Variants in PLEKHG6 observed in about 807,000 individuals in gnomAD.
PLEKHG6 encodes the protein pleckstrin homology and RhoGEF domain containing G6.
PLEKHG6 carries 91 observed loss-of-function variants against 97.5 expected under a neutral mutation model. That is an observed-to-expected ratio of 0.93 (90% CI 0.79 to 1.11). The LOEUF (loss-of-function observed/expected upper bound fraction) is 1.11. Ranked by LOEUF, PLEKHG6 falls within the 50% of genes most tolerant of loss-of-function variation. PLEKHG6 has a pLI of 0.00. For synonymous variants in PLEKHG6, 466 were observed against 425.5 expected, an observed-to-expected ratio of 1.10 and a Z score of -1.17; for missense variants, 1,044 against 1,031.0, an observed-to-expected ratio of 1.01 and a Z score of -0.17.
chr12:6,323,493 A>G (rs1947766141), intron 13 of PLEKHG6, among the ~76,000 whole-genome samples: 1 of 152,238 alleles, frequency 6.6e-6, no homozygotes, highest in South Asian at 2.1e-4. Flanking sequence ...TAGCGGGTCT[A>G]GCTGTGATGA....
intron 2 of PLEKHG6, 167 bp downstream of exon 2, chr12:6,312,531 G>A: frequency 9.0e-7 from 1 of 1,112,308 alleles, no homozygotes; most frequent in African/African-American, 1.7e-5. Context: ...ACAGGGCCAG[G>A]CTCCAGGGAT....
At chr12:6,321,407 T>C (rs1250971163) in intron 13 of PLEKHG6, among the ~76,000 whole-genome samples, 3 of 151,920 alleles carry the variant, frequency 2.0e-5, no homozygotes, top group Non-Finnish European at 4.4e-5. Context: ...GTGTGCTGGG[T>C]GGGCTGGAGG....
chr12:6,326,454 G>A lies in PLEKHG6; in HGVS notation c.1551G>A (p.Glu517=). ...AQAALQKLKA[E]EYVQQKRELL... is the part of the protein sequence containing the mutation. The stretch of plus-strand genomic sequence containing the variant: ...CCGCCCTACAGAAGCTGAAGGCAGA[G>A]GAGTATGTTCAACAGAAGAGGGAGC... The change falls in exon 14 of 16, where the codon GAG becomes GAA. Residue 517 remains glutamate, a synonymous_variant. Transcript: ENST00000684764. 6.2e-7 allele frequency: 1 copy of A among 1,613,848 alleles called. No individual in the cohort carries two copies. The highest frequency in any genetic ancestry group is 1.1e-5 in the South Asian group (1 of 91,060).
chr12:6,312,440 C>T, intron 2 of PLEKHG6, 76 bp downstream of exon 2: 1 of 1,445,070 alleles, frequency 6.9e-7, no homozygotes, highest in Non-Finnish European at 9.3e-7. Context: ...GTCTCTGTCC[C>T]CTTACAGGTT....
At chr12:6,312,762 A>G in intron 2 of PLEKHG6, 1 of 1,172,074 alleles carries the variant, frequency 8.5e-7, no homozygotes, top group Non-Finnish European at 1.1e-6. Flanking sequence ...GCAAAGGTTC[A>G]GGGTGTCCCT....
chr12:6,327,479 T>TGCCCCCC lies in PLEKHG6; in HGVS notation c.1896_1897insGCCCCCC (p.Pro633AlafsTer39). On this transcript the variant is annotated frameshift_variant, in exon 15 of 16. Transcript: ENST00000684764. LOFTEE classifies it high-confidence loss of function. ...TGGAACTCCGGGACATCCCTCTGCG[T>TGCCCCCC]CCCCACCCTCCCGACCCCCAAGCTC... The TGCCCCCC allele has an allele frequency of 6.2e-7, 1 of 1,603,264 alleles. No individual in the cohort carries two copies. The highest frequency in any genetic ancestry group is 8.5e-7 in the Non-Finnish European group (1 of 1,171,710).
chr12:6,318,276 G>C, intron 10 of PLEKHG6, 25 bp from the exon 11 acceptor site: 1 of 1,613,476 alleles, frequency 6.2e-7, no homozygotes, highest in Non-Finnish European at 8.5e-7. Context: ...CGAGCGCCCT[G>C]ACCCCTCCCC....
chr12:6,312,810 C>T (rs1947320963), intron 2 of PLEKHG6: 5 of 1,233,588 alleles, frequency 4.1e-6, no homozygotes, highest in African/African-American at 1.5e-5. Flanking sequence ...AGGGTGCCTG[C>T]CTTGGCTCCA....
chr12:6,318,923 G>T (rs182749967), intron 12 of PLEKHG6, 46 bp downstream of exon 12: 1 of 1,613,436 alleles, frequency 6.2e-7, no homozygotes, highest in Non-Finnish European at 8.5e-7. Flanking sequence ...TCTTCTCAGC[G>T]AGGGGAAGGA....
At chr12:6,313,814 C>G in intron 3 of PLEKHG6, 30 bp downstream of exon 3, 1 of 1,529,058 alleles carries the variant, frequency 6.5e-7, no homozygotes, top group Non-Finnish European at 8.8e-7. Context: ...CCCATCCCCA[C>G]ACATACGGCC....
At chr12:6,319,732 C>T in intron 13 of PLEKHG6, 1 of 1,489,366 alleles carries the variant, frequency 6.7e-7, no homozygotes, top group South Asian at 1.2e-5. Flanking sequence ...CAGACATTTA[C>T]AGGGCACTTG....
intron 10 of PLEKHG6, 141 bp downstream of exon 10, chr12:6,318,135 G>T: frequency 7.3e-7 from 1 of 1,367,534 alleles, no homozygotes; most frequent in Non-Finnish European, 1.0e-6. Flanking sequence ...ACAGTCCAAG[G>T]GGTACAGGTC....
chr12:6,326,516 C>T lies in PLEKHG6; in HGVS notation c.1613C>T (p.Pro538Leu). 1 of 1,597,394 alleles carries T rather than the reference C, an allele frequency of 6.3e-7. No individual in the cohort carries two copies. Among genetic ancestry groups the T allele is most frequent in the Admixed American group, 1.8e-5 (1 of 56,396 alleles). ...TLYRDQDRES[P>L]STRPSTPSLE... is the part of the protein sequence containing the mutation. ...TATCGGGACCAGGACAGGGAGTCCCCCAGCACCAGGCCCTCCACGCCTTCC... is the reference window on the plus strand; with the variant it reads ...TATCGGGACCAGGACAGGGAGTCCCTCAGCACCAGGCCCTCCACGCCTTCC... Residue 538 changes from proline to leucine, a missense_variant, in exon 14 of 16, where the codon CCC becomes CTC. Coordinates refer to ENST00000684764, the MANE Select transcript of PLEKHG6 (RefSeq NM_001384598.1).
intron 10 of PLEKHG6, 112 bp from the exon 11 acceptor site, chr12:6,318,188 TG>T: frequency 6.5e-7 from 1 of 1,528,138 alleles, no homozygotes; most frequent in Non-Finnish European, 9.0e-7. Flanking sequence ...CTCTAGCCCA[TG>T]GGGGAAGGAT....
Position 6,312,167 on chromosome 12 carries a change from G to C in PLEKHG6, c.-60G>C. On this transcript the variant is annotated 5_prime_UTR_variant, in exon 2 of 16. Transcript: ENST00000684764. The stretch of plus-strand genomic sequence containing the variant: ...TCTTTTCTCTCTTGCAGCCCTAGGG[G>C]ACCTCTTTCTCCTGGACATTGAAGA... 7.2e-7 allele frequency: 1 copy of C among 1,382,884 alleles called. No individual in the cohort carries two copies. The highest frequency in any genetic ancestry group is 1.9e-4 in the Middle Eastern group (1 of 5,144). The allele number at this position is 1,382,884 out of a possible 1,614,324, so 85.7% of individuals were successfully genotyped here. A position where few individuals can be genotyped will look rare whatever the true frequency, so the allele number is the denominator to read the frequency against.
chr12:6,317,581 T>C lies in PLEKHG6; in HGVS notation c.902T>C (p.Met301Thr), dbSNP rs141245660. 7 of 1,613,620 alleles carry C rather than the reference T, an allele frequency of 4.3e-6. No homozygotes were observed. Among genetic ancestry groups the C allele is most frequent in the South Asian group, 3.3e-5 (3 of 91,090 alleles). The change falls in exon 9 of 16, where the codon ATG becomes ACG. Residue 301 changes from methionine to threonine, a missense_variant. Coordinates refer to ENST00000684764, the MANE Select transcript of PLEKHG6 (RefSeq NM_001384598.1). The stretch of plus-strand genomic sequence containing the variant: ...AAGCACAAGCGCTCTGGGAGGCAGA[T>C]GCTCTGTGACTTGCTTATCAAGCCC... ...CEKHKRSGRQ[M>T]LCDLLIKPHQ...
At position 6,313,769 on chromosome 12, in the gene PLEKHG6, C is replaced by T; in HGVS notation, c.279C>T (p.His93=). The part of the protein sequence containing the change: ...HGGHVGAGLL[H]SPKLKELTKA... ...GCCATGTGGGGGCTGGCCTGCTTCACTCCCCCAAACTCAAGGTAAGGGGGT... is the reference window on the plus strand; with the variant it reads ...GCCATGTGGGGGCTGGCCTGCTTCATTCCCCCAAACTCAAGGTAAGGGGGT... The change falls in exon 3 of 16, where the codon CAC becomes CAT. Residue 93 remains histidine (H), a synonymous_variant. Coordinates refer to ENST00000684764, the MANE Select transcript of PLEKHG6 (RefSeq NM_001384598.1). 2 of 1,583,376 alleles carry T rather than the reference C, an allele frequency of 1.3e-6. No individual in the cohort carries two copies. Among genetic ancestry groups the T allele is most frequent in the Non-Finnish European group, 1.7e-6 (2 of 1,165,224 alleles).
In PLEKHG6 at chr12:6,327,479, T is replaced by TTCC; in HGVS notation, c.1896_1897insTCC (p.Arg632_Pro633insSer). On this transcript the variant is annotated inframe_insertion, in exon 15 of 16. Transcript: ENST00000684764. ...TGGAACTCCGGGACATCCCTCTGCG[T>TTCC]CCCCACCCTCCCGACCCCCAAGCTC... 1 of 1,603,270 alleles carries TTCC rather than the reference T, an allele frequency of 6.2e-7. No individual in the cohort carries two copies. Among genetic ancestry groups the TTCC allele is most frequent in the South Asian group, 1.1e-5 (1 of 90,736 alleles).
chr12:6,319,532 T>C (rs200288752), intron 13 of PLEKHG6: 1 of 1,515,298 alleles, frequency 6.6e-7, no homozygotes, highest in African/African-American at 1.4e-5. Context: ...GAGGCTGGGG[T>C]GGATTCAGTT....
Sources: allele counts gnomAD v4.1 joint callset (sites outside exome capture counted in the v4.1 genomes callset), GRCh38; gene constraint gnomAD v4.1.1; transcripts MANE v1.5; gene names NCBI Gene and HGNC (gene_info 2026-07-23, HGNC 2026-07-21).